The following TUBGCP5 variants were observed in gnomAD, a reference collection of about 807,000 sequenced individuals.
TUBGCP5 encodes the protein gamma-tubulin complex component 5.
TUBGCP5 carries 98 observed loss-of-function variants against 134.7 expected under a neutral mutation model. The ratio of observed to expected loss-of-function variants is 0.73; its 90% CI spans 0.62 to 0.86. The LOEUF (loss-of-function observed/expected upper bound fraction) is 0.86. TUBGCP5 is among the 40% of genes least tolerant of loss of function. TUBGCP5 has a pLI of 0.00. For missense variants in TUBGCP5, 1,150 were observed against 1,244.8 expected, an observed-to-expected ratio of 0.92 and a Z score of 1.15; for synonymous variants, 456 against 431.4, an observed-to-expected ratio of 1.06 and a Z score of -0.71.
chr15:23,014,035 A>C (rs528606480), intron 13 of TUBGCP5, among the ~76,000 whole-genome samples: 1 of 152,166 alleles, frequency 6.6e-6, no homozygotes, highest in Non-Finnish European at 1.5e-5. Context: ...GCACTTTCAG[A>C]CAGAGGAACA....
At chr15:22,993,525 G>GTTGTTTTTTT (rs1567083011) in intron 23 of TUBGCP5, among the ~76,000 whole-genome samples, 19 of 69,272 alleles carry the variant, frequency 2.7e-4, no homozygotes, top group African/African-American at 1.0e-3. Context: ...AGCCCCCGAA[G>GTTGTTTTTTT]TTTTTTTTTT....
intron 8 of TUBGCP5, among the ~76,000 whole-genome samples, chr15:23,025,501 C>T (rs181629466): frequency 3.6e-4 from 55 of 152,282 alleles, no homozygotes; most frequent in African/African-American, 1.3e-3. Context: ...CTTCCAGGTA[C>T]GGGCACAGGC....
intron 23 of TUBGCP5, among the ~76,000 whole-genome samples, chr15:22,988,595 G>A (rs939234669): frequency 3.3e-5 from 5 of 151,478 alleles, no homozygotes; most frequent in African/African-American, 4.9e-5. Flanking sequence ...AATTAGCCGG[G>A]CGTGGTGGTG....
chr15:22,995,622 G>A (rs1046470819), downstream of TUBGCP5, among the ~76,000 whole-genome samples: 1 of 151,158 alleles, frequency 6.6e-6, no homozygotes, highest in Non-Finnish European at 1.5e-5. Context: ...CAAATTGGCT[G>A]TACCATCTGC....
At chr15:22,995,173 G>A (rs1028448653), downstream of TUBGCP5, among the ~76,000 whole-genome samples, 4 of 152,014 alleles carry the variant, frequency 2.6e-5, no homozygotes, top group African/African-American at 9.7e-5. Flanking sequence ...GAACCTGGGA[G>A]GCAGAGGTTG....
rs1375109463 is a variant in TUBGCP5, at chr15:23,010,251, AAG to A, written c.1956-120_1956-119del. On this transcript the variant is annotated intron_variant, in intron 14 of 22. Transcript: ENST00000615383. ...TCTTGAAGTTACCAACTATTACAGA[AAG>A]AGAAAAATCTTTCTCCCAAAAATAT... is the stretch of plus-strand genomic sequence containing the variant. The A allele has an allele frequency of 3.5e-6, 4 of 1,149,160 alleles. No homozygotes were observed. In the East Asian group the frequency reaches 9.4e-5, roughly 27 times the overall value. 71.2% of individuals were successfully genotyped at this position (1,149,160 alleles called of 1,614,324 possible). A position where few individuals can be genotyped will look rare whatever the true frequency, so the allele number is the denominator to read the frequency against.
chr15:23,003,185 G>GT, intron 20 of TUBGCP5, 32 bp from the exon 21 acceptor site: 1 of 1,604,924 alleles, frequency 6.2e-7, no homozygotes, highest in South Asian at 1.1e-5. Flanking sequence ...CACAAACTGT[G>GT]TAACTAGGTT....
At chr15:22,992,601 G>A (rs1218003179) in intron 23 of TUBGCP5, among the ~76,000 whole-genome samples, 1 of 152,118 alleles carries the variant, frequency 6.6e-6, no homozygotes, top group East Asian at 1.9e-4. Context: ...AACCTAACAG[G>A]TGGGCATGGC....
Position 22,985,126 on chromosome 15 carries a change from T to C in TUBGCP5, c.*62-1515A>G, listed in dbSNP as rs145241624. Among the ~76,000 whole-genome samples, 157 of 152,326 alleles carry C rather than the reference T, an allele frequency of 1.0e-3. 1 individual carries two copies. The highest frequency in any genetic ancestry group is 2.4e-4 in the Non-Finnish European group (16 of 68,026). ...TATAAAATTCAACATATATATCTCC[T>C]ATGATGGTAATTCTACTTCTAAGTA... is the stretch of plus-strand genomic sequence containing the variant. On this transcript the variant is annotated intron_variant and NMD_transcript_variant, in intron 23 of 23. Coordinates refer to the TUBGCP5 transcript ENST00000614508.
chr15:23,005,940 C>A (rs1371691850), intron 18 of TUBGCP5, 112 bp downstream of exon 18: 31 of 1,079,250 alleles, frequency 2.9e-5, no homozygotes, highest in Non-Finnish European at 3.5e-5. Flanking sequence ...CAACAACCAC[C>A]AACTTTTTTT....
intron 23 of TUBGCP5, among the ~76,000 whole-genome samples, chr15:22,991,285 G>A (rs995037909): frequency 7.2e-5 from 11 of 151,932 alleles, no homozygotes; most frequent in Admixed American, 2.0e-4. Context: ...TAGTAGAGAC[G>A]GGGTTTCACC....
intron 13 of TUBGCP5, among the ~76,000 whole-genome samples, chr15:23,012,609 C>T (rs1432364873): frequency 2.0e-5 from 3 of 152,290 alleles, no homozygotes; most frequent in South Asian, 2.1e-4. Context: ...GGTTTTACCA[C>T]GTTGACCAGG....
intron 3 of TUBGCP5, 53 bp from the exon 4 acceptor site, chr15:23,032,877 C>CCAACTCAATCT: frequency 7.5e-7 from 1 of 1,329,924 alleles, no homozygotes. Context: ...ATGCTTTCTA[C>CCAACTCAATCT]ACCAGATTGA....
rs2064937864 is a variant in TUBGCP5, at chr15:23,009,946, T to C, written c.2143A>G (p.Arg715Gly). The change falls in exon 15 of 23, where the codon AGG (arginine) becomes GGG (glycine). Residue 715 changes from arginine (R) to glycine (G), a missense_variant and splice_region_variant. Coordinates refer to ENST00000615383, the MANE Select transcript of TUBGCP5 (RefSeq NM_052903.6). ...TCCAAAATTAAATTACTCTTTTACC[T>C]GTAATCTTTTTTTAGAGTTTGCATG... ...NLMQTLKKDY[R>G]LVEYLQAMRN... The C allele has an allele frequency of 2.5e-6, 4 of 1,611,316 alleles. No homozygotes were observed. Among genetic ancestry groups the C allele is most frequent in the African/African-American group, 1.3e-5 (1 of 74,900 alleles).
chr15:23,009,174 A>T (rs537500991), intron 15 of TUBGCP5, among the ~76,000 whole-genome samples: 12 of 152,226 alleles, frequency 7.9e-5, no homozygotes, highest in African/African-American at 2.9e-4. Context: ...TCCATCATTA[A>T]TATTTAATAT....
chr15:23,004,034 A>C (rs1006888266), intron 20 of TUBGCP5, 68 bp downstream of exon 20: 25 of 1,520,146 alleles, frequency 1.6e-5, no homozygotes, highest in Non-Finnish European at 1.8e-6. Context: ...TCATCATAAA[A>C]TTCCAAAGCA....
At chr15:23,026,344 C>G in intron 7 of TUBGCP5, 139 bp from the exon 8 acceptor site, 1 of 660,128 alleles carries the variant, frequency 1.5e-6, no homozygotes. Flanking sequence ...CTTAAATGCC[C>G]CCTATATTTT....
At chr15:23,008,470 G>T (rs2064851229) in intron 16 of TUBGCP5, 1 of 536,188 alleles carries the variant, frequency 1.9e-6, no homozygotes, top group Non-Finnish European at 3.3e-6. Flanking sequence ...TGTTGGCCAG[G>T]CTGGTCTCGA....
At chr15:23,026,070 G>C (rs1567152797) in intron 8 of TUBGCP5, 46 bp downstream of exon 8, 1 of 1,494,706 alleles carries the variant, frequency 6.7e-7, no homozygotes, top group African/African-American at 1.4e-5. Flanking sequence ...TTGCTTCTCA[G>C]TAATCAAGTC....
Sources: gnomAD v4.1 joint callset for allele counts (sites outside exome capture counted in the v4.1 genomes callset) on GRCh38, gnomAD v4.1.1 for gene constraint, MANE v1.5 for transcripts, NCBI Gene and HGNC (gene_info 2026-07-23, HGNC 2026-07-21) for gene names.